The following QRICH1 variants were observed in gnomAD, a reference collection of about 807,000 sequenced individuals.
The protein encoded by QRICH1 is transcriptional regulator QRICH1.
QRICH1 carries 16 observed loss-of-function variants against 87.1 expected under a neutral mutation model. The ratio of observed to expected loss-of-function variants is 0.18; its 90% CI spans 0.12 to 0.28. QRICH1 has a LOEUF of 0.28. QRICH1 is among the 10% of genes least tolerant of loss of function. QRICH1 has a pLI of 1.00. For missense variants in QRICH1, 647 were observed against 951.7 expected, an observed-to-expected ratio of 0.68 and a Z score of 4.21; for synonymous variants, 367 against 368.4, an observed-to-expected ratio of 1.00 and a Z score of 0.05.
intron 1 of QRICH1, among the ~76,000 whole-genome samples, chr3:49,090,564 G>A (rs764126803): frequency 4.7e-5 from 7 of 148,538 alleles, no homozygotes; most frequent in Non-Finnish European, 7.4e-5. Flanking sequence ...GAAGGTGGAG[G>A]TTGCAGTGAG....
intron 2 of QRICH1, among the ~76,000 whole-genome samples, chr3:49,064,234 ATTT>A (rs1029737044): frequency 5.4e-5 from 5 of 92,308 alleles, no homozygotes; most frequent in Non-Finnish European, 8.9e-5. Context: ...GCTGGCCCTA[ATTT>A]TTTTTTTTTT....
At chr3:49,041,974 T>C (rs190873292) in intron 6 of QRICH1, among the ~76,000 whole-genome samples, 248 of 152,008 alleles carry the variant, frequency 1.6e-3, no homozygotes, top group Non-Finnish European at 2.8e-3. Context: ...ACGTTTTATG[T>C]GTTGGCCAGG....
intron 6 of QRICH1, 27 bp from the exon 7 acceptor site, chr3:49,033,255 C>T (rs1221005330): frequency 7.1e-7 from 1 of 1,409,242 alleles, no homozygotes; most frequent in Non-Finnish European, 9.5e-7. Context: ...ACTGTCACAA[C>T]AAGAGGATGG....
intron 2 of QRICH1, among the ~76,000 whole-genome samples, chr3:49,068,562 C>T (rs1396252511): frequency 2.0e-5 from 3 of 151,332 alleles, no homozygotes. Context: ...GAAGTCCAGA[C>T]TGCAGCGAGC....
intron 2 of QRICH1, among the ~76,000 whole-genome samples, chr3:49,061,370 T>C (rs1313913315): frequency 1.3e-5 from 2 of 152,038 alleles, no homozygotes; most frequent in Non-Finnish European, 2.9e-5. Flanking sequence ...CTGAGCAATA[T>C]TACCATAACC....
chr3:49,082,629 C>T (rs972093873), intron 1 of QRICH1, among the ~76,000 whole-genome samples: 1 of 152,074 alleles, frequency 6.6e-6, no homozygotes, highest in Non-Finnish European at 1.5e-5. Flanking sequence ...GGCACGGTGG[C>T]TCACGCCTGT....
intron 3 of QRICH1, among the ~76,000 whole-genome samples, chr3:49,051,281 C>T (rs2093368533): frequency 6.6e-6 from 1 of 152,162 alleles, no homozygotes; most frequent in Admixed American, 6.6e-5. Context: ...TGGCCTTAAC[C>T]TACTGGACCT....
chr3:49,068,466 T>TAAA (rs879822428), intron 2 of QRICH1, among the ~76,000 whole-genome samples: 12 of 139,474 alleles, frequency 8.6e-5, no homozygotes, highest in African/African-American at 1.6e-4. Flanking sequence ...TCAAAAAAAT[T>TAAA]AAAAAAAAAA....
At chr3:49,082,668 G>T (rs2042084344) in intron 1 of QRICH1, among the ~76,000 whole-genome samples, 2 of 151,724 alleles carry the variant, frequency 1.3e-5, no homozygotes, top group Non-Finnish European at 2.9e-5. Flanking sequence ...GGCTGAGGTG[G>T]GTGGATCACG....
At chr3:49,089,225 A>C (rs2107051124) in intron 1 of QRICH1, among the ~76,000 whole-genome samples, 1 of 151,502 alleles carries the variant, frequency 6.6e-6, no homozygotes, top group South Asian at 2.1e-4. Flanking sequence ...ATGCCCTGCT[A>C]ATTTTTGTAT....
At chr3:49,072,531 C>CAA (rs767090539) in intron 2 of QRICH1, among the ~76,000 whole-genome samples, 4 of 111,520 alleles carry the variant, frequency 3.6e-5, no homozygotes, top group Non-Finnish European at 5.8e-5. Context: ...GTCTCCATTA[C>CAA]AAAAAAAAAA....
chr3:49,045,612 G>A (rs1489933830), intron 5 of QRICH1, among the ~76,000 whole-genome samples: 1 of 150,342 alleles, frequency 6.7e-6, no homozygotes, highest in East Asian at 2.0e-4. Flanking sequence ...TTTTCTTTTC[G>A]TTTTTCAGAC....
At chr3:49,078,132 C>T (rs1480639165) in intron 1 of QRICH1, among the ~76,000 whole-genome samples, 3 of 152,120 alleles carry the variant, frequency 2.0e-5, no homozygotes, top group Non-Finnish European at 4.4e-5. Flanking sequence ...GATTATCAGA[C>T]AATTCTGAAT....
chr3:49,032,191 G>A lies in QRICH1; in HGVS notation c.2130C>T (p.Leu710=). Residue 710 remains leucine (L), a synonymous_variant, in exon 9 of 10, where the codon CTC becomes CTT. Transcript: ENST00000395443. ...TCACAATAAAGCCTCACCATTTGAA[G>A]AGGTAGAAATCATAGAGCTTGATGG... ...RCPIKLYDFY[L]FKCPQSVKGR... 6.2e-7 allele frequency: 1 copy of A among 1,611,514 alleles called. No individual in the cohort carries two copies. Among genetic ancestry groups the A allele is most frequent in the South Asian group, 1.1e-5 (1 of 91,026 alleles).
At chr3:49,079,026 C>T (rs530633595) in intron 1 of QRICH1, among the ~76,000 whole-genome samples, 1 of 152,066 alleles carries the variant, frequency 6.6e-6, no homozygotes, top group East Asian at 1.9e-4. Context: ...CTCAAGCAAT[C>T]CTTCCACCTC....
intron 5 of QRICH1, among the ~76,000 whole-genome samples, chr3:49,045,024 A>C (rs2093331034): frequency 2.0e-5 from 3 of 152,088 alleles, no homozygotes; most frequent in Admixed American, 2.0e-4. Flanking sequence ...AGTCCCAACC[A>C]GTAAGCCCTA....
chr3:49,072,097 G>A (rs1422430099), intron 2 of QRICH1, among the ~76,000 whole-genome samples: 1 of 152,092 alleles, frequency 6.6e-6, no homozygotes, highest in African/African-American at 2.4e-5. Context: ...TTGGGAGGCC[G>A]AGGTTGGCAG....
At chr3:49,064,656 G>A (rs1053601715) in intron 2 of QRICH1, among the ~76,000 whole-genome samples, 4 of 152,018 alleles carry the variant, frequency 2.6e-5, no homozygotes, top group Non-Finnish European at 5.9e-5. Context: ...ACAAGGTCAG[G>A]AGATCGAGAC....
intron 2 of QRICH1, among the ~76,000 whole-genome samples, chr3:49,063,285 A>G (rs1315450391): frequency 2.6e-5 from 4 of 152,214 alleles, no homozygotes; most frequent in African/African-American, 7.2e-5. Context: ...CCATGCCAAC[A>G]GCAGCAGCAG....
Sources: allele counts gnomAD v4.1 joint callset (sites outside exome capture counted in the v4.1 genomes callset), GRCh38; gene constraint gnomAD v4.1.1; transcripts MANE v1.5; gene names NCBI Gene and HGNC (gene_info 2026-07-23, HGNC 2026-07-21).